TOP6BL: variants seen among roughly 807,000 people sequenced by gnomAD.
The protein encoded by TOP6BL is type 2 DNA topoisomerase 6 subunit B-like.
chr11:66,787,153 C>T, the TOP6BL span, among the ~76,000 whole-genome samples: 1 of 151,588 alleles, frequency 6.6e-6, no homozygotes, highest in Admixed American at 6.6e-5. Flanking sequence ...AGGCTGGTCT[C>T]GAACTCCTGA....
the TOP6BL span, among the ~76,000 whole-genome samples, chr11:66,830,676 A>G: frequency 1.3e-5 from 2 of 152,220 alleles, no homozygotes; most frequent in Admixed American, 1.3e-4. Flanking sequence ...AATGAACACA[A>G]ATTATCACTA....
At chr11:66,759,382 A>G in the TOP6BL span, among the ~76,000 whole-genome samples, 1 of 152,160 alleles carries the variant, frequency 6.6e-6, no homozygotes, top group Non-Finnish European at 1.5e-5. Context: ...GCTTTTCTGT[A>G]TACTCTGTAT....
chr11:66,832,006 A>C, the TOP6BL span, among the ~76,000 whole-genome samples: 3 of 150,846 alleles, frequency 2.0e-5, no homozygotes, highest in Admixed American at 6.6e-5. Flanking sequence ...CAAAAAAAAA[A>C]AAAAAAAAAA....
the TOP6BL span, chr11:66,801,189 T>G: frequency 7.1e-7 from 1 of 1,410,680 alleles, no homozygotes; most frequent in South Asian, 1.2e-5. Context: ...ATTGTCTCAC[T>G]TGTCATTTGT....
At chr11:66,828,740 C>T in the TOP6BL span, 25 of 166,898 alleles carry the variant, frequency 1.5e-4, no homozygotes, top group Non-Finnish European at 3.1e-4. Context: ...ATCGTACTGA[C>T]TGGAGCCAAG....
chr11:66,800,582 A>G, the TOP6BL span: 3 of 1,355,922 alleles, frequency 2.2e-6, no homozygotes. Context: ...TAGATATGGA[A>G]GTTTTTAATC....
chr11:66,754,508 A>C, the TOP6BL span, among the ~76,000 whole-genome samples: 1 of 152,126 alleles, frequency 6.6e-6, no homozygotes, highest in Non-Finnish European at 1.5e-5. Flanking sequence ...AAATATCTTA[A>C]AATTACTGGT....
the TOP6BL span, among the ~76,000 whole-genome samples, chr11:66,759,565 C>T: frequency 6.6e-6 from 1 of 152,088 alleles, no homozygotes; most frequent in Non-Finnish European, 1.5e-5. Context: ...GGAGTTTTTG[C>T]TGACCTTAGT....
chr11:66,745,314 T>C, the TOP6BL span, among the ~76,000 whole-genome samples: 32 of 111,114 alleles, frequency 2.9e-4, 2 homozygotes, highest in African/African-American at 5.4e-4. Flanking sequence ...CGGGGCGGGG[T>C]GGGGGGAGTC....
At chr11:66,831,490 C>A in the TOP6BL span, among the ~76,000 whole-genome samples, 3 of 152,108 alleles carry the variant, frequency 2.0e-5, no homozygotes, top group African/African-American at 4.8e-5. Flanking sequence ...GTGAAAAAAT[C>A]AAAAACTAAA....
the TOP6BL span, among the ~76,000 whole-genome samples, chr11:66,802,163 A>AT: frequency 0.012 from 1,715 of 144,874 alleles, 28 homozygotes; most frequent in African/African-American, 0.036. Context: ...TACGCTGCTA[A>AT]TTTTTTTTTT....
the TOP6BL span, among the ~76,000 whole-genome samples, chr11:66,804,593 CAG>C: frequency 6.6e-6 from 1 of 152,090 alleles, no homozygotes; most frequent in Admixed American, 6.6e-5. Flanking sequence ...GGATGGGAGA[CAG>C]AAGTTAGTAA....
At chr11:66,758,673 G>A in the TOP6BL span, among the ~76,000 whole-genome samples, 1 of 152,068 alleles carries the variant, frequency 6.6e-6, no homozygotes, top group African/African-American at 2.4e-5. Flanking sequence ...GAATTGACTC[G>A]TATATTAGGA....
chr11:66,756,337 C>CCT, the TOP6BL span: 2 of 1,089,078 alleles, frequency 1.8e-6, no homozygotes, highest in South Asian at 1.7e-5. Flanking sequence ...CTTTTCCCCC[C>CCT]TTTTTTTTTT....
At chr11:66,843,098 G>A in the TOP6BL span, 11 of 1,592,426 alleles carry the variant, frequency 6.9e-6, no homozygotes, top group Non-Finnish European at 9.4e-6. Context: ...CGCAGGGAAG[G>A]GCTCAGCAGG....
chr11:66,756,274 C>T, the TOP6BL span: 1 of 1,069,258 alleles, frequency 9.4e-7, no homozygotes, highest in Admixed American at 5.0e-5. Flanking sequence ...TCTCATGTGC[C>T]AGTGTGGACT....
the TOP6BL span, among the ~76,000 whole-genome samples, chr11:66,841,726 C>T: frequency 2.0e-5 from 3 of 152,118 alleles, no homozygotes; most frequent in Non-Finnish European, 2.9e-5. Flanking sequence ...AGGATGAGGC[C>T]GGGAGTTCAA....
At chr11:66,788,105 C>T in the TOP6BL span, 1 of 1,275,524 alleles carries the variant, frequency 7.8e-7, no homozygotes. Context: ...ATCCAGAAAT[C>T]CTGGTTCTTA....
the TOP6BL span, among the ~76,000 whole-genome samples, chr11:66,806,230 CACTT>C: frequency 1.3e-5 from 2 of 152,162 alleles, no homozygotes; most frequent in African/African-American, 4.8e-5. Flanking sequence ...GTAGGCAACT[CACTT>C]AACCAGCCTA....
Sources: gnomAD v4.1 joint callset for allele counts (sites outside exome capture counted in the v4.1 genomes callset) on GRCh38, gnomAD v4.1.1 for gene constraint, MANE v1.5 for transcripts, NCBI Gene and HGNC (gene_info 2026-07-23, HGNC 2026-07-21) for gene names.